The following TLE7 variants were observed in gnomAD, a reference collection of about 807,000 sequenced individuals.
TLE7 encodes the protein TLE family member 7, also known as transducin-like enhancer protein 7.
rs1044541742 is a variant in TLE7 at position 71,431,792 on chromosome 16, T to A, written c.820A>T (p.Ile274Phe). The A allele has an allele frequency of 2.5e-6, 1 of 400,492 alleles. No homozygotes were observed. Among genetic ancestry groups the A allele is most frequent in the East Asian group, 3.6e-5 (1 of 28,048 alleles). The allele number at this position is 400,492 out of a possible 1,614,324, so 24.8% of individuals were successfully genotyped here. A position where few individuals can be genotyped will look rare whatever the true frequency, so the allele number is the denominator to read the frequency against. The change falls in exon 6 of 10, where the codon ATT becomes TTT. Residue 274 changes from isoleucine to phenylalanine, a missense_variant. Ile to Phe is a conservative substitution (Grantham distance 21). Transcript: ENST00000561754. The surrounding 1 kb of genome is among the most constrained non-coding windows in gnomAD (Gnocchi z 4.5). ...AAGATTTGGTTCTGCAAATCCCAAATCTCAACAAATCCATGGAAACAAGCC... is the reference window on the plus strand; with the variant it reads ...AAGATTTGGTTCTGCAAATCCCAAAACTCAACAAATCCATGGAAACAAGCC... ...CLACFHGFVE[I>F]WDLQNQILIR...
intron 1 of TLE7, among the ~76,000 whole-genome samples, chr16:71,435,245 T>C (rs1339616020): frequency 1.3e-5 from 2 of 152,210 alleles, no homozygotes; most frequent in Admixed American, 6.5e-5. Flanking sequence ...ACGCTGTCTC[T>C]ACTAAAACTA....
chr16:71,436,633 C>G (rs141925951), intron 1 of TLE7, among the ~76,000 whole-genome samples: 1 of 152,220 alleles, frequency 6.6e-6, no homozygotes, highest in Non-Finnish European at 1.5e-5. Flanking sequence ...TCGCCAGAGC[C>G]AAGAGTCAGA....
chr16:71,434,868 T>C lies in TLE7; in HGVS notation c.-96-1448A>G, dbSNP rs1199815006. On this transcript the variant is annotated intron_variant, in intron 1 of 9. Coordinates refer to ENST00000561754, the MANE Select transcript of TLE7 (RefSeq NM_001367365.2). Reference sequence around the variant, plus strand: ...ACCTTTAACCTAGTACTTCCACTTCTAAAAATGTACCCTAGAGGTGCACTT... The same window carrying C: ...ACCTTTAACCTAGTACTTCCACTTCCAAAAATGTACCCTAGAGGTGCACTT... Among the ~76,000 whole-genome samples, 3 of 152,308 alleles carry C rather than the reference T, an allele frequency of 2.0e-5. No individual in the cohort carries two copies. In the South Asian group the frequency reaches 6.2e-4, roughly 32 times the overall value.
chr16:71,437,814 A>T (rs1055271622), intron 1 of TLE7, among the ~76,000 whole-genome samples: 19 of 152,244 alleles, frequency 1.2e-4, no homozygotes, highest in African/African-American at 4.3e-4. Flanking sequence ...GCTGCTACTT[A>T]CAGAGGAATC....
At position 71,431,865 on chromosome 16, in the gene TLE7, G is replaced by A. The variant is rs2042805501; in HGVS notation, c.747C>T (p.Gly249=). ...AGACAGCCAGAGAATAGCACGTGGG[G>A]CCCGTCGAGGTCAGCTGTGCCCTGA... The part of the protein sequence containing the change: ...PQVRAQLTST[G]PTCYSLAVSS... Residue 249 remains glycine, a synonymous_variant, in exon 6 of 10, where the codon GGC becomes GGT. Coordinates refer to ENST00000561754, the MANE Select transcript of TLE7 (RefSeq NM_001367365.2). The surrounding 1 kb of genome is among the most constrained non-coding windows in gnomAD (Gnocchi z 4.5). 2 of 400,786 alleles carry A rather than the reference G, an allele frequency of 5.0e-6. No homozygotes were observed. Among genetic ancestry groups the A allele is most frequent in the South Asian group, 2.5e-4 (2 of 7,950 alleles). The allele number at this position is 400,786 out of a possible 1,614,324, so 24.8% of individuals were successfully genotyped here. A position where few individuals can be genotyped will look rare whatever the true frequency, so the allele number is the denominator to read the frequency against.
At position 71,431,224 on chromosome 16, in the gene TLE7, C is replaced by T. The variant is rs1311306910; in HGVS notation, c.1044G>A (p.Leu348=). The T allele has an allele frequency of 2.5e-6, 1 of 400,464 alleles. No individual in the cohort carries two copies. The highest frequency in any genetic ancestry group is 4.4e-6 in the Non-Finnish European group (1 of 226,252). The allele number at this position is 400,464 out of a possible 1,614,324, so 24.8% of individuals were successfully genotyped here. The part of the protein sequence containing the change: ...DPGEEWVLAG[L]RTSDIVFLHT... ...GAAGGAACACGATATCACTCGTTCT[C>T]AGGCCCGCCAATACCCATTCTTCAC... is the stretch of plus-strand genomic sequence containing the variant. The change falls in exon 8 of 10, where the codon CTG becomes CTA. Residue 348 remains leucine, a synonymous_variant. Coordinates refer to ENST00000561754, the MANE Select transcript of TLE7 (RefSeq NM_001367365.2). This position sits in a 1 kb window ranked among gnomAD's most constrained non-coding sequence, Gnocchi z 4.5.
chr16:71,438,351 C>A (rs577156144), intron 1 of TLE7, among the ~76,000 whole-genome samples: 2 of 148,728 alleles, frequency 1.3e-5, no homozygotes, highest in Non-Finnish European at 3.0e-5. Context: ...ATCACCTGAG[C>A]CCAGGAGGCA....
intron 9 of TLE7, 106 bp downstream of exon 9, chr16:71,430,562 T>G (rs895035874): frequency 1.8e-5 from 7 of 397,734 alleles, no homozygotes; most frequent in Non-Finnish European, 3.1e-5. Context: ...TGGCCCTGGC[T>G]GCCATCTCAG....
intron 1 of TLE7, among the ~76,000 whole-genome samples, chr16:71,437,968 T>A (rs963110146): frequency 5.9e-5 from 9 of 152,106 alleles, no homozygotes; most frequent in Non-Finnish European, 1.2e-4. Context: ...AGGGTCCTGA[T>A]CCAGACCCCA....
At chr16:71,438,947 T>C (rs2042837284) in intron 1 of TLE7, among the ~76,000 whole-genome samples, 1 of 152,084 alleles carries the variant, frequency 6.6e-6, no homozygotes, top group African/African-American at 2.4e-5. Flanking sequence ...CAGGGTAAAG[T>C]TGATTCCACG....
chr16:71,431,884 G>A lies in TLE7; in HGVS notation c.728C>T (p.Ala243Val), dbSNP rs1004259526. ...WDLAPTPQVR[A>V]QLTSTGPTCY... ...CGTGGGGCCCGTCGAGGTCAGCTGT[G>A]CCCTGACCTGGGGGGTGGGTGCCAA... Residue 243 changes from alanine (A) to valine (V), a missense_variant, in exon 6 of 10, where the codon GCA becomes GTA. Ala to Val is a moderately conservative substitution (Grantham distance 64). Transcript: ENST00000561754. This position sits in a 1 kb window ranked among gnomAD's most constrained non-coding sequence, Gnocchi z 4.5. 2 of 400,668 alleles carry A rather than the reference G, an allele frequency of 5.0e-6. No homozygotes were observed. The highest frequency in any genetic ancestry group is 7.1e-5 in the East Asian group (2 of 28,052). The allele number at this position is 400,668 out of a possible 1,614,324, so 24.8% of individuals were successfully genotyped here.
Position 71,432,983 on chromosome 16 carries a change from C to T in TLE7, c.311+31G>A, listed in dbSNP as rs932397923. 13 of 398,944 alleles carry T rather than the reference C, an allele frequency of 3.3e-5. No homozygotes were observed. The East Asian group carries it at 4.6e-4, about 14-fold the overall frequency. The allele number at this position is 398,944 out of a possible 1,614,324, so 24.7% of individuals were successfully genotyped here. ...CCCTCTCCCCAGTCCAGTTTGCCAC[C>T]CCCACTGAGTCAGGTTCAAGCAAGA... On this transcript the variant is annotated intron_variant, in intron 2 of 9. Coordinates refer to ENST00000561754, the MANE Select transcript of TLE7 (RefSeq NM_001367365.2).
rs1016259553 is a variant in TLE7 at position 71,433,153 on chromosome 16, T to C, written c.172A>G (p.Ile58Val). 55 of 398,628 alleles carry C rather than the reference T, an allele frequency of 1.4e-4. No individual in the cohort carries two copies. The highest frequency in any genetic ancestry group is 1.6e-4 in the African/African-American group (8 of 48,638). 24.7% of individuals were successfully genotyped at this position (398,628 alleles called of 1,614,324 possible). The part of the protein sequence containing the change: ...GVPWQPPGPP[I>V]QHSPADQETS... ...TCTTGATCAGCAGGGCTGTGCTGTA[T>C]TGGGGGGCCCGGGGGCTGCCAGGGC... The change falls in exon 2 of 10, where the codon ATA becomes GTA. Residue 58 changes from isoleucine (I) to valine (V), a missense_variant. Ile to Val is a conservative substitution (Grantham distance 29). Coordinates refer to ENST00000561754, the MANE Select transcript of TLE7 (RefSeq NM_001367365.2).
chr16:71,438,443 AG>A (rs1745571977), intron 1 of TLE7, among the ~76,000 whole-genome samples: 5 of 131,804 alleles, frequency 3.8e-5, no homozygotes, highest in African/African-American at 8.8e-5. Flanking sequence ...AAAAAAAAAG[AG>A]AGAGAGAAAG....
Position 71,431,860 on chromosome 16 carries a change from G to C in TLE7, c.752C>G (p.Thr251Arg). ...VRAQLTSTGP[T>R]CYSLAVSSDA... Reference sequence around the variant, plus strand: ...AGAGGAGACAGCCAGAGAATAGCACGTGGGGCCCGTCGAGGTCAGCTGTGC... The same window carrying C: ...AGAGGAGACAGCCAGAGAATAGCACCTGGGGCCCGTCGAGGTCAGCTGTGC... The change falls in exon 6 of 10, where the codon ACG (threonine) becomes AGG (arginine). Residue 251 changes from threonine (T) to arginine (R), a missense_variant. Physicochemically the swap from Thr to Arg is moderately conservative, Grantham distance 71. Coordinates refer to ENST00000561754, the MANE Select transcript of TLE7 (RefSeq NM_001367365.2). This position sits in a 1 kb window ranked among gnomAD's most constrained non-coding sequence, Gnocchi z 4.5. 2.5e-6 allele frequency: 1 copy of C among 400,756 alleles called. No homozygotes were observed. The highest frequency in any genetic ancestry group is 4.4e-6 in the Non-Finnish European group (1 of 226,266). The allele number at this position is 400,756 out of a possible 1,614,324, so 24.8% of individuals were successfully genotyped here.
intron 1 of TLE7, among the ~76,000 whole-genome samples, chr16:71,439,661 T>C (rs576939755): frequency 6.6e-5 from 10 of 152,284 alleles, no homozygotes; most frequent in African/African-American, 1.9e-4. Flanking sequence ...CAAAGCCACA[T>C]GTAATAGATC....
intron 1 of TLE7, among the ~76,000 whole-genome samples, chr16:71,441,745 G>A (rs1371674731): frequency 6.6e-6 from 1 of 152,224 alleles, no homozygotes; most frequent in South Asian, 2.1e-4. Context: ...CCAGACCGAG[G>A]CCAGAGCCGA....
Position 71,430,713 on chromosome 16 carries a change from C to T in TLE7, c.1176G>A (p.Thr392=), listed in dbSNP as rs1371542437. The T allele has an allele frequency of 2.0e-5, 8 of 398,600 alleles. No homozygotes were observed. The highest frequency in any genetic ancestry group is 1.4e-4 in the East Asian group (4 of 28,070). The allele number at this position is 398,600 out of a possible 1,614,324, so 24.7% of individuals were successfully genotyped here. A position where few individuals can be genotyped will look rare whatever the true frequency, so the allele number is the denominator to read the frequency against. Residue 392 remains threonine (T), a synonymous_variant, in exon 9 of 10, where the codon ACG becomes ACA. Transcript: ENST00000561754. ...CGSYFVTAID[T]RLSGLEAPSL... The stretch of plus-strand genomic sequence containing the variant: ...AAGGTGCCTCCAAGCCACTGAGGCG[C>T]GTATCTATCGCGGTCACAAAATAGC...
Position 71,433,396 on chromosome 16 carries a change from C to T in TLE7, c.-72G>A, listed in dbSNP as rs1373980036. 2 of 398,140 alleles carry T rather than the reference C, an allele frequency of 5.0e-6. No individual in the cohort carries two copies. The highest frequency in any genetic ancestry group is 4.4e-6 in the Non-Finnish European group (1 of 226,084). The allele number at this position is 398,140 out of a possible 1,614,324, so 24.7% of individuals were successfully genotyped here. On this transcript the variant is annotated 5_prime_UTR_variant, in exon 2 of 10. Coordinates refer to ENST00000561754, the MANE Select transcript of TLE7 (RefSeq NM_001367365.2). The stretch of plus-strand genomic sequence containing the variant: ...ACAAATAGACCCGCCAAACAGACAC[C>T]AGGTTCCCAGTGTGTCCTGATCCCC...
Sources: allele counts gnomAD v4.1 joint callset (sites outside exome capture counted in the v4.1 genomes callset), GRCh38; gene constraint gnomAD v4.1.1; non-coding constraint Gnocchi (gnomAD v3.1); transcripts MANE v1.5; gene names NCBI Gene and HGNC (gene_info 2026-07-23, HGNC 2026-07-21).